Variants in BPIFB4 observed in about 807,000 individuals in gnomAD.
The protein encoded by BPIFB4 is BPI fold-containing family B member 4.
BPIFB4 carries 62 observed loss-of-function variants against 69.2 expected under a neutral mutation model. That is an observed-to-expected ratio of 0.90 (90% CI 0.73 to 1.11). BPIFB4 has a LOEUF of 1.11. BPIFB4 is among the 50% of genes least tolerant of loss of function. BPIFB4 has a pLI of 0.00. For missense variants in BPIFB4, 789 were observed against 792.0 expected (o/e 1.00, Z 0.04); for synonymous variants, 330 against 332.7 (o/e 0.99, Z 0.09).
intron 4 of BPIFB4, 126 bp from the exon 5 acceptor site, chr20:33,083,241 T>C: frequency 1.8e-6 from 1 of 546,024 alleles, no homozygotes; most frequent in African/African-American, 5.4e-5. Context: ...GGGGGGCTGC[T>C]GGGTGGCAGT....
At chr20:33,103,849 G>A (rs754839631) in intron 15 of BPIFB4, among the ~76,000 whole-genome samples, 1 of 152,236 alleles carries the variant, frequency 6.6e-6, no homozygotes, top group Non-Finnish European at 1.5e-5. Context: ...TTGGGGCAGA[G>A]TTGGGATTAG....
At chr20:33,088,906 A>T (rs1981513458) in intron 7 of BPIFB4, 60 bp from the exon 8 acceptor site, 1 of 1,610,004 alleles carries the variant, frequency 6.2e-7, no homozygotes, top group South Asian at 1.1e-5. Context: ...CAGGGTGGAC[A>T]GCCTTGGTGA....
chr20:33,102,561 T>C (rs541221215), intron 14 of BPIFB4, among the ~76,000 whole-genome samples: 1 of 152,336 alleles, frequency 6.6e-6, no homozygotes, highest in Admixed American at 6.5e-5. Flanking sequence ...CCTGCTCCAC[T>C]GGAGGGCTGG....
intron 9 of BPIFB4, 51 bp from the exon 10 acceptor site, chr20:33,090,657 G>T (rs748288896): frequency 6.2e-7 from 1 of 1,605,588 alleles, no homozygotes; most frequent in South Asian, 1.1e-5. Context: ...GAGGAGGGAA[G>T]GCATCTGGAT....
intron 16 of BPIFB4, among the ~76,000 whole-genome samples, chr20:33,106,987 C>T (rs1206673707): frequency 4.6e-5 from 7 of 152,034 alleles, no homozygotes; most frequent in Admixed American, 2.6e-4. Flanking sequence ...GGGTGGAGCA[C>T]GAGGTCAGGA....
At position 33,083,756 on chromosome 20, in the gene BPIFB4, C is replaced by T. The variant is rs748850951; in HGVS notation, c.559C>T (p.Gln187Ter). The T allele has an allele frequency of 3.1e-6, 5 of 1,613,792 alleles. No individual in the cohort carries two copies. Among genetic ancestry groups the T allele is most frequent in the Non-Finnish European group, 4.2e-6 (5 of 1,179,836 alleles). Reference protein sequence around the residue: ...MLAADGILAGQGGLLGGGGLL... With the variant: ...MLAADGILAG ...GGCAGCTGATGGCATCCTCGCAGGC[C>T]AAGGTGGCCTGCTCGGCGGAGGTGG... The change falls in exon 5 of 18, where the codon CAA (glutamine) becomes TAA (stop). Residue 187 changes from glutamine to a stop codon, truncating the protein, a stop_gained. Transcript: ENST00000375483. LOFTEE classifies it high-confidence loss of function.
chr20:33,090,629 TC>T, intron 9 of BPIFB4, 78 bp from the exon 10 acceptor site: 1 of 1,585,896 alleles, frequency 6.3e-7, no homozygotes, highest in East Asian at 2.3e-5. Flanking sequence ...ACCTTGTCCA[TC>T]CCCAGCCCCA....
intron 14 of BPIFB4, among the ~76,000 whole-genome samples, chr20:33,100,854 A>G (rs1981888873): frequency 6.6e-6 from 1 of 152,164 alleles, no homozygotes; most frequent in Non-Finnish European, 1.5e-5. Flanking sequence ...CATCTCTACA[A>G]AAATAGAAAA....
At chr20:33,097,507 A>C in intron 12 of BPIFB4, 110 bp from the exon 13 acceptor site, 1 of 1,202,890 alleles carries the variant, frequency 8.3e-7, no homozygotes, top group East Asian at 2.4e-5. Flanking sequence ...GGTTTGTTGG[A>C]CTCAAGCAAC....
intron 14 of BPIFB4, among the ~76,000 whole-genome samples, chr20:33,101,935 G>A (rs958870356): frequency 6.6e-6 from 1 of 152,118 alleles, no homozygotes; most frequent in Non-Finnish European, 1.5e-5. Flanking sequence ...AAAATTTTTA[G>A]CATGTGACTA....
chr20:33,101,252 G>A (rs1445563055), intron 14 of BPIFB4, among the ~76,000 whole-genome samples: 1 of 152,118 alleles, frequency 6.6e-6, no homozygotes, highest in Non-Finnish European at 1.5e-5. Context: ...CTTACCCAGG[G>A]CCACCCAGCA....
At chr20:33,108,842 A>G (rs143036318) in intron 17 of BPIFB4, among the ~76,000 whole-genome samples, 1 of 152,236 alleles carries the variant, frequency 6.6e-6, no homozygotes, top group Non-Finnish European at 1.5e-5. Flanking sequence ...CTGTTTCTTG[A>G]TTCTAGATTT....
intron 7 of BPIFB4, among the ~76,000 whole-genome samples, chr20:33,087,868 A>G (rs1981481110): frequency 6.6e-6 from 1 of 152,168 alleles, no homozygotes; most frequent in Non-Finnish European, 1.5e-5. Flanking sequence ...ACCGAAATGC[A>G]TAGTTAGCTT....
chr20:33,088,363 A>G (rs920280109), intron 7 of BPIFB4, among the ~76,000 whole-genome samples: 13 of 151,752 alleles, frequency 8.6e-5, no homozygotes, highest in Admixed American at 3.3e-4. Context: ...AAAAGAAAAG[A>G]AAAAGAAAAA....
chr20:33,080,949 G>T (rs553379257), intron 2 of BPIFB4, among the ~76,000 whole-genome samples: 1 of 152,134 alleles, frequency 6.6e-6, no homozygotes, highest in East Asian at 1.9e-4. Flanking sequence ...GTGGATGGAT[G>T]GTTGGTTGGA....
Position 33,083,413 on chromosome 20 carries a change from C to T in BPIFB4, c.216C>T (p.Pro72=). 6.2e-7 allele frequency: 1 copy of T among 1,613,608 alleles called. No individual in the cohort carries two copies. Among genetic ancestry groups the T allele is most frequent in the East Asian group, 2.2e-5 (1 of 44,856 alleles). ...PYNDFHVRGP[P]PVYTNGKKLD... ...ATGACTTCCATGTCCGAGGACCCCC[C>T]CCAGTATATACCAACGGCAAAAAAC... Residue 72 remains proline, a synonymous_variant, in exon 5 of 18, where the codon CCC becomes CCT. Coordinates refer to ENST00000375483, the MANE Select transcript of BPIFB4 (RefSeq NM_182519.3).
At chr20:33,106,690 A>G (rs1982067288) in intron 16 of BPIFB4, among the ~76,000 whole-genome samples, 1 of 152,186 alleles carries the variant, frequency 6.6e-6, no homozygotes, top group Admixed American at 6.5e-5. Flanking sequence ...TGACAGATAC[A>G]GAAACAGATA....
chr20:33,089,149 G>T, intron 8 of BPIFB4, 120 bp downstream of exon 8: 1 of 1,481,164 alleles, frequency 6.8e-7, no homozygotes. Flanking sequence ...GAGAGCCAAG[G>T]CCTGGGGCAT....
intron 12 of BPIFB4, among the ~76,000 whole-genome samples, chr20:33,096,283 T>C (rs1296836319): frequency 2.0e-5 from 3 of 152,182 alleles, no homozygotes; most frequent in Non-Finnish European, 4.4e-5. Flanking sequence ...ATACTTTTTC[T>C]TTCTTTTTTT....
Sources: allele counts gnomAD v4.1 joint callset (sites outside exome capture counted in the v4.1 genomes callset), GRCh38; gene constraint gnomAD v4.1.1; transcripts MANE v1.5; gene names NCBI Gene and HGNC (gene_info 2026-07-23, HGNC 2026-07-21).